The following CYSTM1 variants were observed in gnomAD, a reference collection of about 807,000 sequenced individuals.
The protein encoded by CYSTM1 is cysteine-rich transmembrane module-containing protein 1.
CYSTM1 carries 4 observed loss-of-function variants against 13.1 expected under a neutral mutation model. The ratio of observed to expected loss-of-function variants is 0.31; its 90% CI spans 0.15 to 0.70. CYSTM1 has a LOEUF of 0.70. CYSTM1 is among the 30% of genes least tolerant of loss of function. The probability of loss-of-function intolerance (pLI) is 0.72; values close to 1 mark genes in which losing one functional copy is unlikely to be tolerated. For synonymous variants in CYSTM1, 36 were observed against 42.7 expected, an observed-to-expected ratio of 0.84 and a Z score of 0.62; for missense variants, 96 against 121.6, an observed-to-expected ratio of 0.79 and a Z score of 0.99.
chr5:140,199,327 T>C (rs1191117313), intron 2 of CYSTM1, among the ~76,000 whole-genome samples: 1 of 152,202 alleles, frequency 6.6e-6, no homozygotes, highest in African/African-American at 2.4e-5. Context: ...TACCCAGTAA[T>C]GGGATTGCTG....
At chr5:140,200,118 A>T (rs1467251465) in intron 2 of CYSTM1, 1 of 152,060 alleles carries the variant, frequency 6.6e-6, no homozygotes, top group African/African-American at 2.4e-5. Context: ...GAAGCTCTTT[A>T]GTTTAATTAG....
intron 2 of CYSTM1, among the ~76,000 whole-genome samples, chr5:140,237,428 G>A (rs773586088): frequency 6.6e-5 from 10 of 152,232 alleles, no homozygotes; most frequent in Non-Finnish European, 1.2e-4. Context: ...GGAGGGTGTG[G>A]TGACAGGCCA....
chr5:140,237,755 G>A (rs976193620), intron 2 of CYSTM1, among the ~76,000 whole-genome samples: 8 of 152,166 alleles, frequency 5.3e-5, no homozygotes, highest in African/African-American at 1.9e-4. Context: ...CTGTTCACAG[G>A]ACTGATTGGG....
intron 2 of CYSTM1, among the ~76,000 whole-genome samples, chr5:140,234,395 T>A (rs1446032085): frequency 1.3e-5 from 2 of 152,224 alleles, no homozygotes; most frequent in Non-Finnish European, 2.9e-5. Context: ...TAGTTCTCTT[T>A]CCTTTCCATA....
chr5:140,214,627 T>C (rs1764407147), intron 2 of CYSTM1, among the ~76,000 whole-genome samples: 1 of 115,334 alleles, frequency 8.7e-6, no homozygotes, highest in South Asian at 4.3e-4. Flanking sequence ...TTTTACCCAG[T>C]CTTAAAAAAC....
At chr5:140,181,388 C>G (rs1763960953) in intron 1 of CYSTM1, among the ~76,000 whole-genome samples, 1 of 152,206 alleles carries the variant, frequency 6.6e-6, no homozygotes, top group Non-Finnish European at 1.5e-5. Context: ...ATCGCAGTTT[C>G]TGCACCCTTC....
intron 2 of CYSTM1, among the ~76,000 whole-genome samples, chr5:140,198,875 A>G (rs1188499414): frequency 2.6e-5 from 4 of 152,196 alleles, no homozygotes; most frequent in Non-Finnish European, 5.9e-5. Flanking sequence ...CAGGTTTGTT[A>G]CATAGGTATG....
chr5:140,197,706 T>C (rs1160516830), intron 2 of CYSTM1, among the ~76,000 whole-genome samples: 1 of 152,264 alleles, frequency 6.6e-6, no homozygotes. Flanking sequence ...TCTTTCCAGC[T>C]GAATGATTTT....
chr5:140,204,720 C>T (rs1350243321), intron 2 of CYSTM1, among the ~76,000 whole-genome samples: 3 of 152,118 alleles, frequency 2.0e-5, no homozygotes, highest in South Asian at 2.1e-4. Flanking sequence ...TTCTCAAAGA[C>T]GTTTTTTTCT....
chr5:140,243,215 G>A (rs1764772574), intron 2 of CYSTM1, 90 bp from the exon 3 acceptor site: 4 of 1,001,136 alleles, frequency 4.0e-6, no homozygotes, highest in Non-Finnish European at 1.6e-6. Flanking sequence ...TTCCCCTGGT[G>A]TAGCCTTCCT....
chr5:140,177,857 T>C (rs1039066965), intron 1 of CYSTM1, among the ~76,000 whole-genome samples: 1 of 152,216 alleles, frequency 6.6e-6, no homozygotes, highest in African/African-American at 2.4e-5. Context: ...TTTGATACTA[T>C]TTGAAGTGGC....
chr5:140,241,439 G>C (rs773147490), intron 2 of CYSTM1, among the ~76,000 whole-genome samples: 1 of 152,214 alleles, frequency 6.6e-6, no homozygotes, highest in Non-Finnish European at 1.5e-5. Flanking sequence ...CTCAATAAAT[G>C]GTAACTTAAG....
chr5:140,181,615 TAGGACTAC>T (rs1247869429), intron 1 of CYSTM1, among the ~76,000 whole-genome samples: 1 of 152,194 alleles, frequency 6.6e-6, no homozygotes, highest in East Asian at 1.9e-4. Context: ...CCTGAGTAGC[TAGGACTAC>T]AGGCACATAT....
intron 1 of CYSTM1, among the ~76,000 whole-genome samples, chr5:140,179,742 C>G (rs1763941288): frequency 6.6e-6 from 1 of 151,166 alleles, no homozygotes; most frequent in Non-Finnish European, 1.5e-5. Flanking sequence ...CTCACTGCAA[C>G]CTCTGCCTCC....
chr5:140,197,900 G>A (rs963195665), intron 2 of CYSTM1, among the ~76,000 whole-genome samples: 1 of 152,272 alleles, frequency 6.6e-6, no homozygotes, highest in Non-Finnish European at 1.5e-5. Context: ...GAGCAGGGTC[G>A]GGTAGATGGC....
At position 140,194,474 on chromosome 5, in the gene CYSTM1, A is replaced by G; in HGVS notation, c.9A>G (p.Gln3=). Residue 3 remains glutamine (Q), a synonymous_variant, in exon 2 of 3, where the codon CAA becomes CAG. Transcript: ENST00000261811. MN[Q]ENPPPYPGPG... The stretch of plus-strand genomic sequence containing the variant: ...CACTTTACAGGTCCCCGATGAACCA[A>G]GAGAACCCTCCACCATATCCAGGCC... The G allele has an allele frequency of 6.3e-7, 1 of 1,588,278 alleles. No homozygotes were observed. Among genetic ancestry groups the G allele is most frequent in the African/African-American group, 1.4e-5 (1 of 73,400 alleles).
chr5:140,189,685 TTGA>T (rs1164795166), intron 1 of CYSTM1, among the ~76,000 whole-genome samples: 1 of 152,168 alleles, frequency 6.6e-6, no homozygotes. Flanking sequence ...TGTTCTGCTG[TTGA>T]TGAACATTTG....
chr5:140,204,722 T>G (rs1328174449), intron 2 of CYSTM1, among the ~76,000 whole-genome samples: 1 of 152,118 alleles, frequency 6.6e-6, no homozygotes, highest in African/African-American at 2.4e-5. Context: ...CTCAAAGACG[T>G]TTTTTTCTTC....
intron 2 of CYSTM1, among the ~76,000 whole-genome samples, chr5:140,226,715 G>A (rs1305372056): frequency 7.0e-6 from 1 of 143,572 alleles, no homozygotes; most frequent in Non-Finnish European, 1.5e-5. Flanking sequence ...GCAGTGAGCC[G>A]AGATCGCACC....
Sources: gnomAD v4.1 joint callset for allele counts (sites outside exome capture counted in the v4.1 genomes callset) on GRCh38, gnomAD v4.1.1 for gene constraint, MANE v1.5 for transcripts, NCBI Gene and HGNC (gene_info 2026-07-23, HGNC 2026-07-21) for gene names.